Variants in ENTPD5 observed in about 807,000 individuals in gnomAD.
ENTPD5 encodes nucleoside diphosphate phosphatase ENTPD5.
Under a neutral mutation model 60.2 loss-of-function variants are expected in ENTPD5, and 49 were observed. The ratio of observed to expected loss-of-function variants is 0.81; its 90% confidence interval spans 0.65 to 1.03. The LOEUF (loss-of-function observed/expected upper bound fraction) is 1.03. Among genes scored for constraint, ENTPD5 ranks in the 50% least tolerant of loss-of-function variants. ENTPD5 has a pLI of 0.00. For synonymous variants in ENTPD5, 187 were observed against 185.4 expected (o/e 1.01, Z -0.07); for missense variants, 480 against 507.6 (o/e 0.95, Z 0.52).
Position 73,987,948 on chromosome 14 carries a change from A to G in ENTPD5, c.155T>C (p.Met52Thr), listed in dbSNP as rs1429765383. The change falls in exon 4 of 16, where the codon ATG becomes ACG. Residue 52 changes from methionine to threonine, a missense_variant. Transcript: ENST00000334696. ...AGTTCCAGTGCTCCCTGCATCAAAC[A>G]TAATTCCATACAAGGTGCTGGCGCT... ...NVSASTLYGI[M>T]FDAGSTGTRI... 6.2e-6 allele frequency: 10 copies of G among 1,614,092 alleles called. No individual in the cohort carries two copies. Among genetic ancestry groups the G allele is most frequent in the African/African-American group, 2.7e-5 (2 of 74,944 alleles).
At chr14:74,018,136 G>A (rs947777532) in intron 1 of ENTPD5, among the ~76,000 whole-genome samples, 1 of 150,414 alleles carries the variant, frequency 6.6e-6, no homozygotes, top group East Asian at 1.9e-4. Context: ...GAGCCGAGAT[G>A]CCCCACTGCA....
intron 8 of ENTPD5, among the ~76,000 whole-genome samples, chr14:73,976,651 C>G (rs8009548): frequency 0.4 from 60,640 of 150,834 alleles, 13,273 homozygotes; most frequent in South Asian, 0.49. Context: ...TATCATCCAG[C>G]CTGGAGTGCA....
At chr14:73,983,269 G>A in intron 5 of ENTPD5, 108 bp from the exon 6 acceptor site, 1 of 1,158,928 alleles carries the variant, frequency 8.6e-7, no homozygotes, top group Admixed American at 2.4e-5. Context: ...GGTGGCATAG[G>A]GCTCCAACCT....
downstream of ENTPD5, among the ~76,000 whole-genome samples, chr14:73,957,101 A>ATTT (rs1418106208): frequency 1.4e-5 from 2 of 143,524 alleles, no homozygotes; most frequent in South Asian, 2.2e-4. Flanking sequence ...TATTATTATT[A>ATTT]TTTTTTTTTT....
At chr14:73,963,208 A>G, downstream of ENTPD5, 1 of 598,860 alleles carries the variant, frequency 1.7e-6, no homozygotes, top group East Asian at 2.8e-5. Flanking sequence ...CAAAGGAAAA[A>G]ACTTCGAAGG....
At chr14:74,015,059 C>T (rs565743651) in intron 2 of ENTPD5, among the ~76,000 whole-genome samples, 3 of 144,452 alleles carry the variant, frequency 2.1e-5, no homozygotes, top group East Asian at 2.1e-4. Context: ...CCAGCCTGGG[C>T]GACAGAGCAA....
At chr14:73,983,968 A>T (rs1185505392) in intron 5 of ENTPD5, among the ~76,000 whole-genome samples, 1 of 152,190 alleles carries the variant, frequency 6.6e-6, no homozygotes, top group East Asian at 1.9e-4. Flanking sequence ...TGGGATTACA[A>T]GCATGAGCCA....
rs190132033 is a variant in ENTPD5, at chr14:73,996,100, G to A, written c.-70-7928C>T. 14 of 980,444 alleles carry A rather than the reference G, an allele frequency of 1.4e-5. No individual in the cohort carries two copies. The African/African-American group carries it at 2.5e-4, about 17-fold the overall frequency. 60.7% of individuals were successfully genotyped at this position (980,444 alleles called of 1,614,324 possible). The stretch of plus-strand genomic sequence containing the variant: ...CCCAGAGGACCTGGGCCCCATTCAT[G>A]TGCTCACCTGCTTGTGTCTGCCGGT... On this transcript the variant is annotated intron_variant, in intron 3 of 15. Transcript: ENST00000334696.
chr14:73,992,487 C>A (rs2058172937), intron 3 of ENTPD5, among the ~76,000 whole-genome samples: 1 of 151,832 alleles, frequency 6.6e-6, no homozygotes, highest in Non-Finnish European at 1.5e-5. Context: ...GAGTTTGAGA[C>A]CAGCCTGGCC....
At chr14:73,961,059 C>T (rs1297791596), downstream of ENTPD5, 1 of 1,204,458 alleles carries the variant, frequency 8.3e-7, no homozygotes, top group African/African-American at 1.5e-5. Context: ...TCAGTGTAGG[C>T]AAGTTGGGTA....
chr14:73,982,119 G>C (rs1235338090), intron 6 of ENTPD5, among the ~76,000 whole-genome samples: 4 of 152,172 alleles, frequency 2.6e-5, no homozygotes, highest in Non-Finnish European at 4.4e-5. Flanking sequence ...CTGTTGCGCA[G>C]GCTGGAGTGC....
Position 73,997,305 on chromosome 14 carries a change from T to C in ENTPD5, c.-70-9133A>G, listed in dbSNP as rs114390148. ...CTTGTTTTCCTTTCCCATAGTGAGATTGATTGTTAGTTATGTCTTTCTGTT... is the reference window on the plus strand; with the variant it reads ...CTTGTTTTCCTTTCCCATAGTGAGACTGATTGTTAGTTATGTCTTTCTGTT... On this transcript the variant is annotated intron_variant, in intron 3 of 15. Transcript: ENST00000334696. 4.2e-3 allele frequency among the ~76,000 whole-genome samples: 634 copies of C among 152,208 alleles called. 10 individuals carry two copies. Among genetic ancestry groups the C allele is most frequent in the African/African-American group, 0.014 (590 of 41,506 alleles).
At chr14:73,998,402 A>C (rs2058403889) in intron 3 of ENTPD5, among the ~76,000 whole-genome samples, 1 of 151,790 alleles carries the variant, frequency 6.6e-6, no homozygotes, top group African/African-American at 2.4e-5. Flanking sequence ...CCTTCTTTCG[A>C]AACAGATCCT....
At chr14:73,998,868 G>A (rs1046814401) in intron 3 of ENTPD5, among the ~76,000 whole-genome samples, 4 of 152,142 alleles carry the variant, frequency 2.6e-5, no homozygotes, top group South Asian at 4.1e-4. Context: ...AAGTTGAAGA[G>A]ATAGATTGAG....
chr14:73,959,303 T>C, downstream of ENTPD5: 1 of 1,614,172 alleles, frequency 6.2e-7, no homozygotes, highest in Non-Finnish European at 8.5e-7. Context: ...TTTTCTGGTT[T>C]CAAGGGAATC....
chr14:73,957,108 T>C (rs1461644867), downstream of ENTPD5, among the ~76,000 whole-genome samples: 2 of 151,444 alleles, frequency 1.3e-5, no homozygotes, highest in East Asian at 3.9e-4. Flanking sequence ...ATTATTTTTT[T>C]TTTTTTGGAG....
At chr14:73,980,974 C>A (rs2057664981) in intron 6 of ENTPD5, among the ~76,000 whole-genome samples, 1 of 151,962 alleles carries the variant, frequency 6.6e-6, no homozygotes, top group Non-Finnish European at 1.5e-5. Flanking sequence ...TGGCGCACGC[C>A]TGTAGTCCCA....
chr14:73,986,945 G>T, intron 4 of ENTPD5, 52 bp from the exon 5 acceptor site: 1 of 1,379,572 alleles, frequency 7.2e-7, no homozygotes, highest in Non-Finnish European at 1.0e-6. Context: ...CCAAAAGTTA[G>T]GCTGCTTCAG....
chr14:74,010,231 C>G (rs76889338), intron 3 of ENTPD5, among the ~76,000 whole-genome samples: 19,548 of 152,208 alleles, frequency 0.13, 1,912 homozygotes, highest in East Asian at 0.57. Flanking sequence ...GCCACTGCAC[C>G]TGGCTCCACT....
Sources: gnomAD v4.1 joint callset for allele counts (sites outside exome capture counted in the v4.1 genomes callset) on GRCh38, gnomAD v4.1.1 for gene constraint, MANE v1.5 for transcripts, NCBI Gene and HGNC (gene_info 2026-07-23, HGNC 2026-07-21) for gene names.